EMP2: variants seen among roughly 807,000 people sequenced by gnomAD.
EMP2 encodes the protein epithelial membrane protein 2.
A neutral mutation model predicts 13.7 loss-of-function variants in EMP2; 19 were observed. That is an observed-to-expected ratio of 1.38 (90% CI 0.97 to 2.03). EMP2 has a LOEUF of 2.03. EMP2 is among the 30% of genes most tolerant of loss of function. The pLI, the probability that EMP2 is intolerant of heterozygous loss-of-function variation, is 0.00. For synonymous variants in EMP2, 97 were observed against 84.7 expected (o/e 1.15, Z -0.80); for missense variants, 253 against 220.7 (o/e 1.15, Z -0.93).
chr16:10,549,816 A>C (rs1410945661), intron 1 of EMP2, among the ~76,000 whole-genome samples: 1 of 148,474 alleles, frequency 6.7e-6, no homozygotes, highest in African/African-American at 2.5e-5. Flanking sequence ...TAAGTGCTTT[A>C]GTGTGTATTT....
At chr16:10,573,972 C>G (rs979741628) in intron 1 of EMP2, among the ~76,000 whole-genome samples, 1 of 112,262 alleles carries the variant, frequency 8.9e-6, no homozygotes, top group Non-Finnish European at 1.6e-5. Flanking sequence ...GAGTCTTGCT[C>G]TGTCACCCAG....
chr16:10,546,609 C>T (rs2050741206), intron 2 of EMP2: 1 of 152,136 alleles, frequency 6.6e-6, no homozygotes, highest in African/African-American at 2.4e-5. Context: ...GGGCAGAGGT[C>T]ACCTGGGATG....
chr16:10,535,238 C>G (rs1284946100), intron 4 of EMP2, among the ~76,000 whole-genome samples: 1 of 151,976 alleles, frequency 6.6e-6, no homozygotes, highest in Non-Finnish European at 1.5e-5. Flanking sequence ...GGTCTTTGGA[C>G]CAGAAAATGG....
chr16:10,536,936 G>C (rs988304797), intron 4 of EMP2, among the ~76,000 whole-genome samples: 2 of 152,160 alleles, frequency 1.3e-5, no homozygotes, highest in Non-Finnish European at 2.9e-5. Flanking sequence ...GATGGTCCCA[G>C]GCAAACTAGA....
rs1376711638 is a variant in EMP2 at position 10,528,922 on chromosome 16, T to C, written c.*3983A>G. 1 of 152,210 alleles carries C rather than the reference T, an allele frequency of 6.6e-6. No individual in the cohort carries two copies. The highest frequency in any genetic ancestry group is 2.1e-4 in the South Asian group (1 of 4,832). The allele number at this position is 152,210 out of a possible 1,614,324, so 9.4% of individuals were successfully genotyped here. A position where few individuals can be genotyped will look rare whatever the true frequency, so the allele number is the denominator to read the frequency against. On this transcript the variant is annotated 3_prime_UTR_variant, in exon 5 of 5. Coordinates refer to ENST00000359543, the MANE Select transcript of EMP2 (RefSeq NM_001424.6). ...CATCATCAGTGAACACAGAGCGTCC[T>C]AGAGCGCCAGCCTGTTCATGAGGGG... is the stretch of plus-strand genomic sequence containing the variant.
rs1383342020 is a variant in EMP2, at chr16:10,529,894, G to GCA, written c.*3009_*3010dup. 7.2e-6 allele frequency: 1 copy of GCA among 139,032 alleles called. No homozygotes were observed. Among genetic ancestry groups the GCA allele is most frequent in the Non-Finnish European group, 1.5e-5 (1 of 66,778 alleles). The allele number at this position is 139,032 out of a possible 1,614,324, so 8.6% of individuals were successfully genotyped here. ...TGCGGTGAGCCAAGATGGTGCCACTGCACTCCAGCCTGGGCAACAAGAGCA... is the reference window on the plus strand; with the variant it reads ...TGCGGTGAGCCAAGATGGTGCCACTGCACACTCCAGCCTGGGCAACAAGAGCA... On this transcript the variant is annotated 3_prime_UTR_variant, in exon 5 of 5. Transcript: ENST00000359543.
chr16:10,558,083 G>A (rs2050845243), intron 1 of EMP2, among the ~76,000 whole-genome samples: 1 of 151,106 alleles, frequency 6.6e-6, no homozygotes, highest in African/African-American at 2.4e-5. Context: ...AGGCTGGAGT[G>A]CAGTGGCTCA....
In EMP2 at chr16:10,580,241, G is replaced by A. The variant is rs1168414714; in HGVS notation, c.-61+308C>T. Among the ~76,000 whole-genome samples the A allele has an allele frequency of 6.6e-6, 1 of 152,176 alleles. No individual in the cohort carries two copies. Among genetic ancestry groups the A allele is most frequent in the Non-Finnish European group, 1.5e-5 (1 of 68,022 alleles). ...GATCTCCCTGGACTCCAAGAGCCCC[G>A]GGTGTAAGTCCGGCGGGGCGAGGGG... On this transcript the variant is annotated intron_variant, in intron 1 of 4. Transcript: ENST00000359543. The surrounding 1 kb of genome is among the most constrained non-coding windows in gnomAD (Gnocchi z 4.3).
chr16:10,547,724 C>G (rs1480418254), intron 1 of EMP2, 47 bp from the exon 2 acceptor site: 6 of 1,112,614 alleles, frequency 5.4e-6, no homozygotes, highest in Non-Finnish European at 7.8e-6. Context: ...AATGACAAAA[C>G]AAAATTACAA....
chr16:10,575,237 CTTTTTTTTTTTTTTTTTTTTTTTTT>C (rs761837614), intron 1 of EMP2, among the ~76,000 whole-genome samples: 1 of 52,500 alleles, frequency 1.9e-5, no homozygotes, highest in African/African-American at 6.4e-5. Flanking sequence ...AGCTTGCATT[CTTTTTTTTTTTTTTTTTTTTTTTTT>C]TTTTTTTTTG....
chr16:10,536,797 T>G (rs769904910), intron 4 of EMP2, among the ~76,000 whole-genome samples: 25 of 152,152 alleles, frequency 1.6e-4, no homozygotes, highest in Non-Finnish European at 5.9e-5. Context: ...ATTTTTTTTC[T>G]TTTTGTATAG....
At chr16:10,560,797 G>A (rs888105393) in intron 1 of EMP2, among the ~76,000 whole-genome samples, 2 of 152,096 alleles carry the variant, frequency 1.3e-5, no homozygotes, top group Non-Finnish European at 2.9e-5. Context: ...CAAGGAGTTC[G>A]GGACGCCCCA....
chr16:10,565,520 C>T (rs12917780), intron 1 of EMP2, among the ~76,000 whole-genome samples: 25,164 of 152,166 alleles, frequency 0.17, 2,396 homozygotes, highest in Non-Finnish European at 0.21. Flanking sequence ...AACTTGCCAG[C>T]CTCCATAATC....
chr16:10,560,174 A>G (rs1596378504), intron 1 of EMP2, among the ~76,000 whole-genome samples: 2 of 152,298 alleles, frequency 1.3e-5, no homozygotes, highest in Admixed American at 1.3e-4. Flanking sequence ...GGGATCTAGC[A>G]AAAGTCCTAG....
chr16:10,570,300 A>G (rs1397393994), intron 1 of EMP2, among the ~76,000 whole-genome samples: 2 of 149,222 alleles, frequency 1.3e-5, no homozygotes, highest in South Asian at 2.1e-4. Flanking sequence ...ATCACAGCTC[A>G]CTGTAGCCTT....
chr16:10,552,880 T>C (rs1016405552), intron 1 of EMP2, among the ~76,000 whole-genome samples: 2 of 152,198 alleles, frequency 1.3e-5, no homozygotes, highest in Admixed American at 1.3e-4. Flanking sequence ...AACAAGCTTC[T>C]ACAGAGAAAG....
chr16:10,539,648 T>C (rs530932403), intron 3 of EMP2, among the ~76,000 whole-genome samples: 2 of 152,200 alleles, frequency 1.3e-5, no homozygotes, highest in African/African-American at 4.8e-5. Flanking sequence ...GTTTATACAA[T>C]TGTCAAAACC....
chr16:10,555,997 C>T (rs1437133364), intron 1 of EMP2, among the ~76,000 whole-genome samples: 1 of 152,110 alleles, frequency 6.6e-6, no homozygotes, highest in Admixed American at 6.6e-5. Context: ...TATTAACTTC[C>T]TGCTTAGGGA....
chr16:10,543,500 C>G (rs530033105), intron 3 of EMP2, 70 bp downstream of exon 3: 3 of 1,559,936 alleles, frequency 1.9e-6, no homozygotes, highest in African/African-American at 1.4e-5. Flanking sequence ...TCGGGGAACC[C>G]GAAGCCTCAC....
Sources: allele counts gnomAD v4.1 joint callset (sites outside exome capture counted in the v4.1 genomes callset), GRCh38; gene constraint gnomAD v4.1.1; non-coding constraint Gnocchi (gnomAD v3.1); transcripts MANE v1.5; gene names NCBI Gene and HGNC (gene_info 2026-07-23, HGNC 2026-07-21).